The following KIF21A variants were observed in gnomAD, a reference collection of about 807,000 sequenced individuals.
The protein encoded by KIF21A is kinesin family member 21A.
In KIF21A, 114 loss-of-function variants were observed where a neutral mutation model predicts 202.9. The observed-to-expected ratio is 0.56, with a 90% CI of 0.48 to 0.66. The LOEUF (loss-of-function observed/expected upper bound fraction) is 0.66, where lower values mean the gene tolerates loss of function less well. Ranked by LOEUF, KIF21A falls within the 30% of genes least tolerant of loss-of-function variation. The pLI is 0.00. For synonymous variants in KIF21A, 667 were observed against 670.8 expected, an observed-to-expected ratio of 0.99 and a Z score of 0.09; for missense variants, 1,677 against 1,994.9, an observed-to-expected ratio of 0.84 and a Z score of 3.04.
At chr12:39,376,769 T>C (rs532560262) in intron 1 of KIF21A, among the ~76,000 whole-genome samples, 1 of 152,282 alleles carries the variant, frequency 6.6e-6, no homozygotes, top group Non-Finnish European at 1.5e-5. Context: ...TGTGGTACTT[T>C]TCAGACTCTC....
chr12:39,341,465 C>T (rs1947437767), intron 14 of KIF21A, 40 bp downstream of exon 14: 1 of 1,597,578 alleles, frequency 6.3e-7, no homozygotes. Flanking sequence ...TAAACAACTT[C>T]CCAAAATGAA....
chr12:39,310,600 G>A (rs1472650223), intron 32 of KIF21A, among the ~76,000 whole-genome samples: 1 of 151,910 alleles, frequency 6.6e-6, no homozygotes, highest in Non-Finnish European at 1.5e-5. Context: ...TTCCAAACAT[G>A]CTCCACTTTT....
chr12:39,387,329 T>C (rs1951016766), intron 1 of KIF21A, among the ~76,000 whole-genome samples: 1 of 152,062 alleles, frequency 6.6e-6, no homozygotes, highest in Non-Finnish European at 1.5e-5. Context: ...CACTTTCCAA[T>C]GTCCACTTTA....
intron 1 of KIF21A, among the ~76,000 whole-genome samples, chr12:39,402,823 C>A (rs897228371): frequency 2.6e-5 from 4 of 152,168 alleles, no homozygotes; most frequent in Admixed American, 6.5e-5. Flanking sequence ...AATTCTTCTT[C>A]TTCCAATGTG....
At chr12:39,382,860 A>T (rs550922366) in intron 1 of KIF21A, among the ~76,000 whole-genome samples, 78 of 152,354 alleles carry the variant, frequency 5.1e-4, no homozygotes, top group African/African-American at 1.9e-3. Context: ...AAACTTGCAT[A>T]CATTTGCTTC....
rs184518125 is a variant in KIF21A at position 39,404,835 on chromosome 12, T to C, written c.45-34574A>G. On this transcript the variant is annotated intron_variant, in intron 1 of 37. Coordinates refer to ENST00000361418, the MANE Select transcript of KIF21A (RefSeq NM_001173464.2). Reference sequence around the variant, plus strand: ...GAGTTCTTTGTCTTGGCAAATTAAATATAAAATTAGTGATACCTTCATACT... The same window carrying C: ...GAGTTCTTTGTCTTGGCAAATTAAACATAAAATTAGTGATACCTTCATACT... 5.4e-3 allele frequency among the ~76,000 whole-genome samples: 817 copies of C among 152,340 alleles called. 6 individuals are homozygous for C. Among genetic ancestry groups the C allele is most frequent in the Non-Finnish European group, 8.2e-3 (556 of 68,034 alleles).
intron 37 of KIF21A, among the ~76,000 whole-genome samples, chr12:39,295,206 T>C (rs899523020): frequency 6.6e-6 from 1 of 152,246 alleles, no homozygotes; most frequent in Non-Finnish European, 1.5e-5. Context: ...TTATTGTTCA[T>C]TGAAATTGAA....
chr12:39,336,400 A>G (rs1352318573), intron 17 of KIF21A, among the ~76,000 whole-genome samples: 1 of 152,214 alleles, frequency 6.6e-6, no homozygotes, highest in African/African-American at 2.4e-5. Flanking sequence ...GAAATCAAGC[A>G]TACATTTATT....
chr12:39,369,917 C>T lies in KIF21A; in HGVS notation c.268-6G>A. 6.2e-7 allele frequency: 1 copy of T among 1,612,180 alleles called. No individual in the cohort carries two copies. Among genetic ancestry groups the T allele is most frequent in the Non-Finnish European group, 8.5e-7 (1 of 1,178,614 alleles). ...TATGTTTTACCAGCTCCAGTCTAAA[C>T]AAAAGAACAGAGAAAGATTAGTGTT... On this transcript the variant is annotated splice_region_variant and splice_polypyrimidine_tract_variant and intron_variant, in intron 2 of 37. Coordinates refer to ENST00000361418, the MANE Select transcript of KIF21A (RefSeq NM_001173464.2).
At chr12:39,441,318 T>C (rs762678491) in intron 1 of KIF21A, among the ~76,000 whole-genome samples, 11 of 152,116 alleles carry the variant, frequency 7.2e-5, no homozygotes, top group Non-Finnish European at 1.3e-4. Flanking sequence ...TGTGATAGTC[T>C]AGAGAATTCA....
At chr12:39,300,552 C>G (rs984068547) in intron 37 of KIF21A, among the ~76,000 whole-genome samples, 1 of 152,032 alleles carries the variant, frequency 6.6e-6, no homozygotes, top group Non-Finnish European at 1.5e-5. Context: ...AAAGGCAGTG[C>G]TCAAATTAAA....
At chr12:39,373,130 T>C (rs1950064954) in intron 1 of KIF21A, among the ~76,000 whole-genome samples, 1 of 152,172 alleles carries the variant, frequency 6.6e-6, no homozygotes, top group Non-Finnish European at 1.5e-5. Flanking sequence ...AAACAGGAAG[T>C]TGGTCAGCTC....
chr12:39,387,960 C>T (rs984760309), intron 1 of KIF21A, among the ~76,000 whole-genome samples: 4 of 152,088 alleles, frequency 2.6e-5, no homozygotes, highest in East Asian at 3.9e-4. Context: ...TAGGTGGTAA[C>T]GTGTGACATG....
chr12:39,410,078 G>A (rs1361080389), intron 1 of KIF21A, among the ~76,000 whole-genome samples: 2 of 152,028 alleles, frequency 1.3e-5, no homozygotes, highest in African/African-American at 2.4e-5. Flanking sequence ...TGATCTGCCC[G>A]CCTTATCCTC....
At chr12:39,372,841 C>T (rs983416077) in intron 1 of KIF21A, among the ~76,000 whole-genome samples, 2 of 152,098 alleles carry the variant, frequency 1.3e-5, no homozygotes, top group South Asian at 4.1e-4. Context: ...GGAAAAACCA[C>T]CATCTTGATT....
chr12:39,331,213 GA>G (rs956979821), intron 22 of KIF21A, among the ~76,000 whole-genome samples: 133 of 144,888 alleles, frequency 9.2e-4, no homozygotes, highest in African/African-American at 1.9e-3. Flanking sequence ...TCCCAACATG[GA>G]AAAAAAAAAA....
intron 12 of KIF21A, among the ~76,000 whole-genome samples, chr12:39,343,366 A>T (rs962575423): frequency 3.3e-4 from 50 of 152,200 alleles, no homozygotes; most frequent in African/African-American, 1.0e-3. Context: ...TCTCAAAAAT[A>T]AATTAATTAA....
chr12:39,302,099 T>C (rs1374618947), intron 36 of KIF21A, among the ~76,000 whole-genome samples: 6 of 152,146 alleles, frequency 3.9e-5, no homozygotes, highest in African/African-American at 1.4e-4. Flanking sequence ...ATAGAGAATA[T>C]AGAGGCCTGA....
chr12:39,366,902 C>A (rs1949639125), intron 5 of KIF21A, 128 bp downstream of exon 5: 2 of 939,736 alleles, frequency 2.1e-6, no homozygotes, highest in East Asian at 2.6e-5. Context: ...TAACTAGGAT[C>A]AGAAAAGGAA....
Sources: allele counts gnomAD v4.1 joint callset (sites outside exome capture counted in the v4.1 genomes callset), GRCh38; gene constraint gnomAD v4.1.1; transcripts MANE v1.5; gene names NCBI Gene and HGNC (gene_info 2026-07-23, HGNC 2026-07-21).